Variants in GPM6A observed in about 807,000 individuals in gnomAD.
GPM6A encodes the protein neuronal membrane glycoprotein M6-a.
A neutral mutation model predicts 32.1 loss-of-function variants in GPM6A; 7 were observed. That is an observed-to-expected ratio of 0.22 (90% confidence interval 0.12 to 0.41). GPM6A has a LOEUF of 0.41. GPM6A is among the 10% of genes least tolerant of loss of function. GPM6A has a pLI of 1.00. For missense variants in GPM6A, 235 were observed against 347.2 expected, an observed-to-expected ratio of 0.68 and a Z score of 2.57; for synonymous variants, 130 against 123.4, an observed-to-expected ratio of 1.05 and a Z score of -0.35.
intron 1 of GPM6A, among the ~76,000 whole-genome samples, chr4:175,845,739 A>G (rs927089281): frequency 4.0e-4 from 61 of 152,208 alleles, no homozygotes; most frequent in African/African-American, 1.4e-3. Context: ...GGACCATTAC[A>G]ATCAGATACC....
chr4:175,995,375 G>C (rs1579695644), intron 1 of GPM6A, among the ~76,000 whole-genome samples: 1 of 74,708 alleles, frequency 1.3e-5, no homozygotes, highest in Admixed American at 1.6e-4. Flanking sequence ...CTTTCAATTT[G>C]TAAAAAAAAA....
chr4:175,888,774 A>G (rs1024537576), intron 1 of GPM6A, among the ~76,000 whole-genome samples: 1 of 152,144 alleles, frequency 6.6e-6, no homozygotes, highest in African/African-American at 2.4e-5. Flanking sequence ...TAATTGTATA[A>G]ACTAAATGCA....
At chr4:175,661,184 A>G (rs1742388218) in intron 3 of GPM6A, among the ~76,000 whole-genome samples, 1 of 152,226 alleles carries the variant, frequency 6.6e-6, no homozygotes, top group Admixed American at 6.5e-5. Flanking sequence ...AAAGAAAAAT[A>G]TAATTTCATT....
At chr4:175,675,945 A>G (rs1423135797) in intron 2 of GPM6A, among the ~76,000 whole-genome samples, 1 of 152,042 alleles carries the variant, frequency 6.6e-6, no homozygotes, top group African/African-American at 2.4e-5. Flanking sequence ...CTCATCTTGA[A>G]TTGTAGTTCC....
chr4:175,979,354 G>A (rs1296172723), intron 1 of GPM6A, among the ~76,000 whole-genome samples: 1 of 152,186 alleles, frequency 6.6e-6, no homozygotes, highest in South Asian at 2.1e-4. Flanking sequence ...CATCAACTGA[G>A]TCAATTATTC....
intron 2 of GPM6A, among the ~76,000 whole-genome samples, chr4:175,675,027 T>C (rs1251893474): frequency 1.3e-5 from 2 of 152,068 alleles, no homozygotes; most frequent in Non-Finnish European, 2.9e-5. Flanking sequence ...TAGATTTAAT[T>C]CTTTTCCCCA....
chr4:175,933,778 TC>T (rs1469895611), intron 1 of GPM6A, among the ~76,000 whole-genome samples: 8 of 152,108 alleles, frequency 5.3e-5, no homozygotes, highest in Non-Finnish European at 1.2e-4. Flanking sequence ...TCTCCTGACC[TC>T]GTGATCCGCC....
intron 1 of GPM6A, among the ~76,000 whole-genome samples, chr4:175,878,035 T>G (rs1293645554): frequency 6.6e-6 from 1 of 152,172 alleles, no homozygotes; most frequent in Non-Finnish European, 1.5e-5. Flanking sequence ...AGTCAAATAT[T>G]AAAGCTCTGA....
chr4:175,894,868 A>G (rs923141470), intron 1 of GPM6A, among the ~76,000 whole-genome samples: 13 of 152,184 alleles, frequency 8.5e-5, no homozygotes, highest in South Asian at 2.1e-4. Context: ...GAGATTAAGT[A>G]TCACATCATG....
intron 1 of GPM6A, chr4:175,961,327 A>T (rs1190855045): frequency 6.6e-6 from 1 of 152,220 alleles, no homozygotes; most frequent in Non-Finnish European, 1.5e-5. Context: ...GGAGTTCAGA[A>T]GTCACTACTG....
intron 1 of GPM6A, among the ~76,000 whole-genome samples, chr4:175,831,716 T>TTTTC (rs1491261983): frequency 0.16 from 1,406 of 8,890 alleles, 10 homozygotes; most frequent in Admixed American, 0.34. Flanking sequence ...TAGCCATCTC[T>TTTTC]TTTTTTTTTT....
At chr4:175,693,612 C>T (rs867565543) in intron 2 of GPM6A, among the ~76,000 whole-genome samples, 1 of 152,016 alleles carries the variant, frequency 6.6e-6, no homozygotes, top group Non-Finnish European at 1.5e-5. Context: ...TTATATGATG[C>T]CAAGAAAGTA....
intron 1 of GPM6A, among the ~76,000 whole-genome samples, chr4:175,987,045 T>A (rs1740996816): frequency 6.6e-6 from 1 of 152,212 alleles, no homozygotes; most frequent in South Asian, 2.1e-4. Context: ...TTAAGAGGAA[T>A]TTCAACTACT....
At chr4:175,893,752 T>C (rs1737714420) in intron 1 of GPM6A, among the ~76,000 whole-genome samples, 2 of 152,196 alleles carry the variant, frequency 1.3e-5, no homozygotes, top group Admixed American at 6.5e-5. Flanking sequence ...TTACGTTTCC[T>C]AACCTTCCTA....
chr4:175,955,404 C>A (rs768500535), intron 1 of GPM6A, among the ~76,000 whole-genome samples: 1 of 152,140 alleles, frequency 6.6e-6, no homozygotes, highest in Non-Finnish European at 1.5e-5. Context: ...ATTTAAATCC[C>A]AGCTGCATAA....
At chr4:175,703,234 C>G (rs1251506023) in intron 1 of GPM6A, among the ~76,000 whole-genome samples, 3 of 152,024 alleles carry the variant, frequency 2.0e-5, no homozygotes, top group Admixed American at 1.3e-4. Flanking sequence ...TACAGTAGTG[C>G]GATCTCGGCT....
At chr4:175,956,250 A>G (rs1336660467) in intron 1 of GPM6A, among the ~76,000 whole-genome samples, 2 of 152,216 alleles carry the variant, frequency 1.3e-5, no homozygotes, top group Non-Finnish European at 2.9e-5. Flanking sequence ...ATTTTATCCT[A>G]TGGACAACAG....
At chr4:175,914,371 G>C (rs1413507077) in intron 1 of GPM6A, among the ~76,000 whole-genome samples, 4 of 152,186 alleles carry the variant, frequency 2.6e-5, no homozygotes, top group African/African-American at 9.7e-5. Context: ...GCCCAGGCTG[G>C]AGTGCAGTGG....
At chr4:175,945,086 T>A (rs1370573375) in intron 1 of GPM6A, among the ~76,000 whole-genome samples, 1 of 152,092 alleles carries the variant, frequency 6.6e-6, no homozygotes, top group African/African-American at 2.4e-5. Flanking sequence ...TTAAAAAAAA[T>A]TATTCATTGA....
Sources: gnomAD v4.1 joint callset for allele counts (sites outside exome capture counted in the v4.1 genomes callset) on GRCh38, gnomAD v4.1.1 for gene constraint, MANE v1.5 for transcripts, NCBI Gene and HGNC (gene_info 2026-07-23, HGNC 2026-07-21) for gene names.